Variants in SLC44A5 observed in about 807,000 individuals in gnomAD.
SLC44A5 encodes choline transporter-like protein 5.
In SLC44A5, 57 loss-of-function variants were observed where a neutral mutation model predicts 101.8. The observed-to-expected ratio is 0.56, with a 90% CI of 0.45 to 0.70. The LOEUF is 0.70. Ranked by LOEUF, SLC44A5 falls within the 30% of genes least tolerant of loss-of-function variation. The pLI is 0.00. For missense variants in SLC44A5, 737 were observed against 853.1 expected, an observed-to-expected ratio of 0.86 and a Z score of 1.70; for synonymous variants, 281 against 290.9, an observed-to-expected ratio of 0.97 and a Z score of 0.35.
chr1:75,444,825 T>C (rs1665456291), intron 2 of SLC44A5, among the ~76,000 whole-genome samples: 2 of 152,078 alleles, frequency 1.3e-5, no homozygotes, highest in Non-Finnish European at 2.9e-5. Flanking sequence ...ATACTTGTGA[T>C]GGGAAGATCA....
intron 3 of SLC44A5, among the ~76,000 whole-genome samples, chr1:75,364,573 G>A (rs1372564241): frequency 6.6e-6 from 1 of 152,112 alleles, no homozygotes; most frequent in African/African-American, 2.4e-5. Context: ...AGATTTTGGT[G>A]GGAACACAGA....
the SLC44A5 span, among the ~76,000 whole-genome samples, chr1:75,722,319 C>A: frequency 6.6e-6 from 1 of 152,166 alleles, no homozygotes; most frequent in Non-Finnish European, 1.5e-5. Flanking sequence ...TAAACAGTAA[C>A]TTCTCTTAAA....
At chr1:75,515,696 T>G (rs534157299) in intron 2 of SLC44A5, among the ~76,000 whole-genome samples, 1 of 152,350 alleles carries the variant, frequency 6.6e-6, no homozygotes, top group South Asian at 2.1e-4. Flanking sequence ...TAACTGGTCA[T>G]TGTCAGTAAT....
the SLC44A5 span, among the ~76,000 whole-genome samples, chr1:75,678,856 A>G: frequency 6.6e-6 from 1 of 152,164 alleles, no homozygotes; most frequent in South Asian, 2.1e-4. Context: ...AGAAGTTGAA[A>G]ACTTTGAAAA....
At chr1:75,366,691 G>A (rs933143507) in intron 3 of SLC44A5, among the ~76,000 whole-genome samples, 18 of 111,980 alleles carry the variant, frequency 1.6e-4, no homozygotes, top group Middle Eastern at 8.2e-3. Context: ...TACCATAGGC[G>A]CTGTATGCTT....
Position 75,319,327 on chromosome 1 carries a change from GA to G in SLC44A5, c.102-18643del, listed in dbSNP as rs1655958695. ...AGATGCCATATCAATTCAGATGGTA[GA>G]AAAATTTATAAACATAATCCCAGGA... is the stretch of plus-strand genomic sequence containing the variant. On this transcript the variant is annotated intron_variant, in intron 4 of 23. Coordinates refer to ENST00000370859, the MANE Select transcript of SLC44A5 (RefSeq NM_001130058.2). Among the ~76,000 whole-genome samples, 3 of 152,254 alleles carry G rather than the reference GA, an allele frequency of 2.0e-5. No homozygotes were observed. In the South Asian group the frequency reaches 6.2e-4, roughly 32 times the overall value.
At chr1:75,448,243 A>T (rs1430014949) in intron 2 of SLC44A5, among the ~76,000 whole-genome samples, 1 of 152,228 alleles carries the variant, frequency 6.6e-6, no homozygotes, top group Non-Finnish European at 1.5e-5. Context: ...CTATTCAAGA[A>T]TCTGGGCTTT....
At chr1:75,375,562 G>T (rs1431150511) in intron 3 of SLC44A5, among the ~76,000 whole-genome samples, 1 of 152,048 alleles carries the variant, frequency 6.6e-6, no homozygotes, top group Admixed American at 6.5e-5. Context: ...AACAAGAAAA[G>T]AAATCTTAAA....
chr1:75,439,569 C>A (rs1217247215), intron 2 of SLC44A5, among the ~76,000 whole-genome samples: 1 of 151,700 alleles, frequency 6.6e-6, no homozygotes, highest in Non-Finnish European at 1.5e-5. Context: ...AAAAAAATCT[C>A]AATGGTTGAA....
the SLC44A5 span, among the ~76,000 whole-genome samples, chr1:75,617,782 T>A: frequency 2.6e-5 from 4 of 152,232 alleles, no homozygotes; most frequent in African/African-American, 9.6e-5. Flanking sequence ...AAACTACTCT[T>A]CTAGGTCTTC....
chr1:75,619,773 CAATT>C, the SLC44A5 span, among the ~76,000 whole-genome samples: 1 of 151,918 alleles, frequency 6.6e-6, no homozygotes, highest in Non-Finnish European at 1.5e-5. Context: ...GCCTTGGGTG[CAATT>C]AATTATGATT....
intron 23 of SLC44A5, among the ~76,000 whole-genome samples, chr1:75,209,813 A>G (rs1018535699): frequency 6.6e-6 from 1 of 152,192 alleles, no homozygotes; most frequent in African/African-American, 2.4e-5. Context: ...TGGATTGTTC[A>G]GTAATGGCCT....
chr1:75,601,465 T>C (rs1674978519), intron 1 of SLC44A5, among the ~76,000 whole-genome samples: 1 of 152,012 alleles, frequency 6.6e-6, no homozygotes. Context: ...TAAACCACTA[T>C]GGCATGTGTA....
At chr1:75,205,107 T>C (rs1303060361) in intron 23 of SLC44A5, 1 of 152,226 alleles carries the variant, frequency 6.6e-6, no homozygotes, top group Non-Finnish European at 1.5e-5. Flanking sequence ...CTCAAGAATG[T>C]AAGCCAAGAA....
intron 2 of SLC44A5, among the ~76,000 whole-genome samples, chr1:75,468,349 T>A (rs1175477573): frequency 6.6e-6 from 1 of 152,142 alleles, no homozygotes; most frequent in Non-Finnish European, 1.5e-5. Context: ...GATCAGTGTA[T>A]CAAAGAGATA....
At chr1:75,480,815 A>T (rs1350951383) in intron 2 of SLC44A5, among the ~76,000 whole-genome samples, 1 of 152,232 alleles carries the variant, frequency 6.6e-6, no homozygotes, top group African/African-American at 2.4e-5. Flanking sequence ...CATTGTGAAA[A>T]TGGTCATACT....
chr1:75,405,962 T>C (rs536947990), intron 2 of SLC44A5, among the ~76,000 whole-genome samples: 85 of 150,420 alleles, frequency 5.7e-4, no homozygotes, highest in Admixed American at 3.4e-3. Flanking sequence ...GATAGACCGC[T>C]AGCAAGACTA....
At chr1:75,690,269 G>C in the SLC44A5 span, among the ~76,000 whole-genome samples, 1 of 151,844 alleles carries the variant, frequency 6.6e-6, no homozygotes, top group Non-Finnish European at 1.5e-5. Flanking sequence ...GCAGGCAAGA[G>C]AGACAGAGGC....
intron 3 of SLC44A5, among the ~76,000 whole-genome samples, chr1:75,343,519 G>A (rs1020914512): frequency 1.3e-5 from 2 of 152,068 alleles, no homozygotes; most frequent in Non-Finnish European, 2.9e-5. Flanking sequence ...AACTACCATT[G>A]ATAAGCTATA....
Sources: gnomAD v4.1 joint callset for allele counts (sites outside exome capture counted in the v4.1 genomes callset) on GRCh38, gnomAD v4.1.1 for gene constraint, MANE v1.5 for transcripts, NCBI Gene and HGNC (gene_info 2026-07-23, HGNC 2026-07-21) for gene names.